Variants in KAZN observed in about 807,000 individuals in gnomAD.
The protein encoded by KAZN is kazrin, periplakin interacting protein, also known as kazrin.
KAZN carries 40 observed loss-of-function variants against 87.4 expected under a neutral mutation model. The observed-to-expected ratio is 0.46, with a 90% confidence interval of 0.36 to 0.60. The LOEUF (loss-of-function observed/expected upper bound fraction) is 0.60. KAZN is among the 20% of genes least tolerant of loss of function. The pLI is 0.00. For synonymous variants in KAZN, 466 were observed against 458.3 expected (o/e 1.02, Z -0.22); for missense variants, 898 against 1,073.9 (o/e 0.84, Z 2.29).
At chr1:13,926,004 G>A (rs1004158833) in intron 1 of KAZN, among the ~76,000 whole-genome samples, 2 of 152,224 alleles carry the variant, frequency 1.3e-5, no homozygotes, top group African/African-American at 2.4e-5. Context: ...ACTTGGGAGG[G>A]GCACATATGG....
intron 1 of KAZN, among the ~76,000 whole-genome samples, chr1:14,670,505 G>GATAGT (rs1436585142): frequency 6.6e-6 from 1 of 152,162 alleles, no homozygotes; most frequent in African/African-American, 2.4e-5. Context: ...ATTCTCAAAT[G>GATAGT]ATAGTATGCA....
chr1:14,991,211 G>A (rs929079072), intron 2 of KAZN, among the ~76,000 whole-genome samples: 7 of 151,984 alleles, frequency 4.6e-5, no homozygotes, highest in East Asian at 1.9e-4. Context: ...AAAATTATCC[G>A]GGCGTGGTGG....
chr1:15,087,350 C>T (rs1439837471), intron 8 of KAZN, among the ~76,000 whole-genome samples: 3 of 146,190 alleles, frequency 2.1e-5, no homozygotes, highest in Non-Finnish European at 4.5e-5. Flanking sequence ...TTTTTTTTTT[C>T]TACCGTCTTC....
chr1:14,558,740 G>A (rs921846863), intron 2 of KAZN, among the ~76,000 whole-genome samples: 1 of 152,142 alleles, frequency 6.6e-6, no homozygotes, highest in African/African-American at 2.4e-5. Flanking sequence ...GACGGGCTTT[G>A]ATCCGCAGTT....
chr1:14,921,900 CG>C (rs566948378), intron 1 of KAZN, among the ~76,000 whole-genome samples: 1 of 152,132 alleles, frequency 6.6e-6, no homozygotes. Context: ...TTAGTAGAGA[CG>C]GGGTTTCACC....
intron 2 of KAZN, among the ~76,000 whole-genome samples, chr1:14,389,569 G>A (rs565544884): frequency 4.6e-5 from 7 of 152,212 alleles, no homozygotes; most frequent in Admixed American, 4.6e-4. Context: ...GAAACTGGAG[G>A]CCATTATGTT....
chr1:14,276,944 C>A (rs74057137), intron 2 of KAZN, among the ~76,000 whole-genome samples: 6,186 of 152,250 alleles, frequency 0.041, 433 homozygotes, highest in African/African-American at 0.14. Flanking sequence ...TGACTTAGGA[C>A]TTCCGCCTAT....
intron 8 of KAZN, among the ~76,000 whole-genome samples, chr1:15,090,558 C>T (rs941969869): frequency 1.3e-4 from 20 of 152,334 alleles, no homozygotes; most frequent in Admixed American, 6.5e-4. Context: ...GGGGCCCTGG[C>T]GGGGCTGCAG....
chr1:15,000,320 C>T (rs1668341110), intron 2 of KAZN, among the ~76,000 whole-genome samples: 1 of 151,768 alleles, frequency 6.6e-6, no homozygotes, highest in Non-Finnish European at 1.5e-5. Context: ...CTGCCAACAC[C>T]CTGATTTTGG....
chr1:14,723,431 C>T (rs560787494), intron 1 of KAZN, among the ~76,000 whole-genome samples: 1 of 152,294 alleles, frequency 6.6e-6, no homozygotes, highest in Non-Finnish European at 1.5e-5. Flanking sequence ...TGAGTGGGAC[C>T]TGGGGTGGCC....
intron 2 of KAZN, among the ~76,000 whole-genome samples, chr1:14,396,113 A>T (rs1217781473): frequency 1.3e-5 from 2 of 148,536 alleles, no homozygotes; most frequent in South Asian, 4.4e-4. Context: ...GGTTGCAGTG[A>T]GCCGAGACCG....
chr1:15,047,361 G>GCAACAC (rs1014697264), intron 4 of KAZN, among the ~76,000 whole-genome samples: 7 of 152,320 alleles, frequency 4.6e-5, no homozygotes, highest in African/African-American at 1.7e-4. Context: ...TGGGTTGCAA[G>GCAACAC]CAACAGAAAG....
At chr1:14,152,818 G>A (rs188109795) in intron 1 of KAZN, among the ~76,000 whole-genome samples, 102 of 152,320 alleles carry the variant, frequency 6.7e-4, no homozygotes, top group African/African-American at 2.2e-3. Flanking sequence ...TAATGTACAA[G>A]GGTTCCCTTT....
At chr1:14,687,599 A>C (rs1324611181) in intron 1 of KAZN, among the ~76,000 whole-genome samples, 2 of 152,198 alleles carry the variant, frequency 1.3e-5, no homozygotes, top group Non-Finnish European at 2.9e-5. Flanking sequence ...CGTGTAAGAC[A>C]CAAGGGGGGA....
chr1:14,997,179 T>A (rs964652234), intron 2 of KAZN, among the ~76,000 whole-genome samples: 1 of 151,444 alleles, frequency 6.6e-6, no homozygotes, highest in Non-Finnish European at 1.5e-5. Context: ...TTTCACAGAC[T>A]CTGTTTTCTT....
In KAZN at chr1:14,800,277, C is replaced by G. The variant is rs115790451; in HGVS notation, c.227-160407C>G. 1.4e-3 allele frequency among the ~76,000 whole-genome samples: 214 copies of G among 152,342 alleles called. 1 individual carries two copies. The highest frequency in any genetic ancestry group is 2.7e-3 in the Non-Finnish European group (184 of 68,044). On this transcript the variant is annotated intron_variant, in intron 1 of 14. Transcript: ENST00000376030. ...GAAAACGTGTGTCCACACAAACACT[C>G]CTATGAGCGTTCACAGCAGCATTAT...
At chr1:14,835,937 G>C (rs1354492029) in intron 1 of KAZN, among the ~76,000 whole-genome samples, 2 of 152,020 alleles carry the variant, frequency 1.3e-5, no homozygotes, top group African/African-American at 4.8e-5. Context: ...ACAAAAGTCA[G>C]CAGATGCAGG....
chr1:14,689,732 G>A (rs184876303), intron 1 of KAZN, among the ~76,000 whole-genome samples: 2 of 152,350 alleles, frequency 1.3e-5, no homozygotes, highest in Non-Finnish European at 2.9e-5. Flanking sequence ...TGCGAAGCTA[G>A]AGAAGCCCAC....
intron 2 of KAZN, among the ~76,000 whole-genome samples, chr1:15,003,049 C>A (rs1033051637): frequency 6.6e-6 from 1 of 151,520 alleles, no homozygotes; most frequent in African/African-American, 2.4e-5. Flanking sequence ...TGAGGGTGTT[C>A]TTTTATCCTC....
Sources: allele counts gnomAD v4.1 joint callset (sites outside exome capture counted in the v4.1 genomes callset), GRCh38; gene constraint gnomAD v4.1.1; transcripts MANE v1.5; gene names NCBI Gene and HGNC (gene_info 2026-07-23, HGNC 2026-07-21).